Variants in MPDZ observed in about 807,000 individuals in gnomAD.
The protein encoded by MPDZ is multiple PDZ domain crumbs cell polarity complex component, also known as multiple PDZ domain protein.
In MPDZ, 234 loss-of-function variants were observed where a neutral mutation model predicts 239.1. The observed-to-expected ratio is 0.98, with a 90% CI of 0.88 to 1.09. The LOEUF (loss-of-function observed/expected upper bound fraction) is 1.09, where lower values mean the gene tolerates loss of function less well. Ranked by LOEUF, MPDZ falls within the 50% of genes least tolerant of loss-of-function variation. The pLI is 0.00. For missense variants in MPDZ, 3,175 were observed against 2,510.0 expected (o/e 1.26, Z -5.66); for synonymous variants, 1,048 against 881.3 (o/e 1.19, Z -3.35).
intron 22 of MPDZ, among the ~76,000 whole-genome samples, chr9:13,163,553 T>C (rs1744500285): frequency 6.6e-6 from 1 of 152,134 alleles, no homozygotes; most frequent in Non-Finnish European, 1.5e-5. Context: ...AAAATTCAAG[T>C]CTACTGCTGT....
chr9:13,178,150 T>C (rs1443307800), intron 19 of MPDZ, among the ~76,000 whole-genome samples: 1 of 151,764 alleles, frequency 6.6e-6, no homozygotes, highest in Non-Finnish European at 1.5e-5. Context: ...TCCCAGCTAC[T>C]CAGGAGGCTG....
chr9:13,238,987 T>C (rs1001686769), intron 3 of MPDZ, among the ~76,000 whole-genome samples: 1 of 152,174 alleles, frequency 6.6e-6, no homozygotes, highest in African/African-American at 2.4e-5. Context: ...ATGGCATATA[T>C]TGATAGATAA....
At chr9:13,231,748 T>C (rs1316093561) in intron 3 of MPDZ, among the ~76,000 whole-genome samples, 1 of 151,978 alleles carries the variant, frequency 6.6e-6, no homozygotes, top group Non-Finnish European at 1.5e-5. Context: ...CTACTTTTTG[T>C]TTGAGGCCAA....
intron 18 of MPDZ, among the ~76,000 whole-genome samples, chr9:13,183,911 C>A (rs1055570493): frequency 1.3e-5 from 2 of 151,966 alleles, no homozygotes; most frequent in Non-Finnish European, 2.9e-5. Flanking sequence ...AGTTCCCATG[C>A]CCAACTCTTA....
At chr9:13,159,438 A>T (rs1227228714) in intron 23 of MPDZ, among the ~76,000 whole-genome samples, 6 of 152,142 alleles carry the variant, frequency 3.9e-5, no homozygotes, top group Non-Finnish European at 8.8e-5. Flanking sequence ...GATCCTAAAA[A>T]CAATGTCAAA....
intron 2 of MPDZ, among the ~76,000 whole-genome samples, chr9:13,248,681 G>C (rs1412840817): frequency 6.6e-6 from 1 of 151,570 alleles, no homozygotes; most frequent in Admixed American, 6.6e-5. Flanking sequence ...TAAAAAGTGG[G>C]AATCAGTGGG....
intron 3 of MPDZ, among the ~76,000 whole-genome samples, chr9:13,236,261 ATATATATTTTTTTTTTTTT>A (rs1963980175): frequency 4.6e-5 from 1 of 21,638 alleles, no homozygotes; most frequent in Non-Finnish European, 9.4e-5. Flanking sequence ...ATATATATAT[ATATATATTTTTTTTTTTTT>A]TTTTTTTTTT....
intron 38 of MPDZ, among the ~76,000 whole-genome samples, chr9:13,121,028 A>G (rs1944262676): frequency 6.6e-6 from 1 of 152,184 alleles, no homozygotes; most frequent in Admixed American, 6.5e-5. Flanking sequence ...TGTTAATATC[A>G]CTTATAAATG....
At chr9:13,248,922 G>A (rs1246751434) in intron 2 of MPDZ, among the ~76,000 whole-genome samples, 2 of 130,828 alleles carry the variant, frequency 1.5e-5, no homozygotes, top group East Asian at 2.5e-4. Context: ...GCAGTGAGCC[G>A]AGATCATACC....
chr9:13,199,501 T>G (rs1956125446), intron 12 of MPDZ, among the ~76,000 whole-genome samples: 1 of 152,028 alleles, frequency 6.6e-6, no homozygotes. Context: ...TTCCTTCTCT[T>G]GCTTAACCGC....
At position 13,192,222 on chromosome 9, in the gene MPDZ, A is replaced by T; in HGVS notation, c.1877T>A (p.Val626Glu). The change falls in exon 15 of 47, where the codon GTG (valine) becomes GAG (glutamate). Residue 626 changes from valine (V) to glutamate (E), a missense_variant. Transcript: ENST00000319217. Reference sequence around the variant, plus strand: ...AGTTCGACGACAGCACACCATTGTCACTTCTATAGGCAGTTCTTTTAAGAT... The same window carrying T: ...AGTTCGACGACAGCACACCATTGTCTCTTCTATAGGCAGTTCTTTTAAGAT... Reference protein sequence around the residue: ...VNILKELPIEVTMVCCRRTVP... With the variant: ...VNILKELPIEETMVCCRRTVP... 1 of 1,609,408 alleles carries T rather than the reference A, an allele frequency of 6.2e-7. No individual in the cohort carries two copies. Among genetic ancestry groups the T allele is most frequent in the African/African-American group, 1.3e-5 (1 of 74,962 alleles).
intron 46 of MPDZ, 87 bp downstream of exon 46, chr9:13,108,849 C>G (rs1941929334): frequency 1.4e-6 from 2 of 1,383,436 alleles, no homozygotes; most frequent in Non-Finnish European, 2.0e-6. Context: ...TTGGCATTAC[C>G]TCAGGCCATA....
intron 12 of MPDZ, among the ~76,000 whole-genome samples, chr9:13,196,714 AAACT>A (rs1216458252): frequency 2.2e-4 from 33 of 152,104 alleles, no homozygotes; most frequent in Non-Finnish European, 4.1e-4. Context: ...AAATAATAAT[AAACT>A]AAGGCTACAC....
rs572033654 is a variant in MPDZ, at chr9:13,119,707, T to C, written c.5232-58A>G. 54 of 1,605,066 alleles carry C rather than the reference T, an allele frequency of 3.4e-5. No homozygotes were observed. In the African/African-American group the frequency reaches 6.0e-4, roughly 18 times the overall value. On this transcript the variant is annotated intron_variant, in intron 38 of 46. Coordinates refer to ENST00000319217, the MANE Select transcript of MPDZ (RefSeq NM_001378778.1). ...TTGCTCAACTGTAATGCAATGCTTATTTAATAAAAAGTTACGTTTTTACCC... is the reference window on the plus strand; with the variant it reads ...TTGCTCAACTGTAATGCAATGCTTACTTAATAAAAAGTTACGTTTTTACCC...
At chr9:13,217,115 T>G (rs1398405179) in intron 9 of MPDZ, 65 bp downstream of exon 9, 1 of 1,120,000 alleles carries the variant, frequency 8.9e-7, no homozygotes, top group African/African-American at 1.6e-5. Flanking sequence ...AACTCAATAT[T>G]TTATAAGAGA....
intron 43 of MPDZ, among the ~76,000 whole-genome samples, chr9:13,111,688 C>T (rs1001912256): frequency 6.6e-6 from 1 of 152,060 alleles, no homozygotes; most frequent in African/African-American, 2.4e-5. Context: ...GCGTTTAAAC[C>T]AATCAAATAT....
In MPDZ at chr9:13,106,116, T is replaced by C. The variant is rs1034285132; in HGVS notation, c.*849A>G. The C allele has an allele frequency of 6.6e-6, 1 of 152,158 alleles. No homozygotes were observed. Among genetic ancestry groups the C allele is most frequent in the African/African-American group, 2.4e-5 (1 of 41,444 alleles). 9.4% of individuals were successfully genotyped at this position (152,158 alleles called of 1,614,324 possible). ...ACACTAACACATTTTTAATGTTGCA[T>C]CGGTTGTTAAAACCAGCACTAAAGA... On this transcript the variant is annotated 3_prime_UTR_variant, in exon 47 of 47. Coordinates refer to ENST00000319217, the MANE Select transcript of MPDZ (RefSeq NM_001378778.1).
chr9:13,136,333 T>TC (rs1946775251), intron 30 of MPDZ, among the ~76,000 whole-genome samples, 151 bp from the exon 31 acceptor site: 1 of 130,082 alleles, frequency 7.7e-6, no homozygotes, highest in Non-Finnish European at 1.6e-5. Flanking sequence ...TTCTTTTTTT[T>TC]TTTTTTTTTT....
intron 13 of MPDZ, among the ~76,000 whole-genome samples, chr9:13,195,531 C>A (rs111838188): frequency 6.6e-6 from 1 of 151,672 alleles, no homozygotes. Flanking sequence ...ATGGTATGTA[C>A]CTTAAGATTG....
Sources: gnomAD v4.1 joint callset for allele counts (sites outside exome capture counted in the v4.1 genomes callset) on GRCh38, gnomAD v4.1.1 for gene constraint, MANE v1.5 for transcripts, NCBI Gene and HGNC (gene_info 2026-07-23, HGNC 2026-07-21) for gene names.